WDR62: variants seen among roughly 807,000 people sequenced by gnomAD.
WDR62 encodes the protein WD repeat-containing protein 62.
WDR62 carries 112 observed loss-of-function variants against 160.6 expected under a neutral mutation model. The observed-to-expected ratio is 0.70, with a 90% confidence interval of 0.60 to 0.82. The LOEUF is 0.82. WDR62 is among the 40% of genes least tolerant of loss of function. The pLI, the probability that WDR62 is intolerant of heterozygous loss-of-function variation, is 0.00. For synonymous variants in WDR62, 792 were observed against 815.1 expected, an observed-to-expected ratio of 0.97 and a Z score of 0.48; for missense variants, 1,819 against 1,983.8, an observed-to-expected ratio of 0.92 and a Z score of 1.58.
chr19:36,069,183 T>G (rs2145603541), intron 7 of WDR62, among the ~76,000 whole-genome samples: 1 of 137,912 alleles, frequency 7.3e-6, no homozygotes, highest in East Asian at 2.2e-4. Context: ...GACCCCCACC[T>G]CCCTCCGGGA....
chr19:36,076,023 C>T (rs1252806145), intron 9 of WDR62: 1 of 152,130 alleles, frequency 6.6e-6, no homozygotes, highest in Non-Finnish European at 1.5e-5. Context: ...ATTATAAACT[C>T]ATATATATTT....
intron 7 of WDR62, among the ~76,000 whole-genome samples, chr19:36,068,752 C>G (rs1248347552): frequency 6.6e-6 from 1 of 152,242 alleles, no homozygotes; most frequent in African/African-American, 2.4e-5. Context: ...CCCATGTCTA[C>G]TTCTTTCTAC....
intron 7 of WDR62, among the ~76,000 whole-genome samples, chr19:36,069,810 G>A (rs547666109): frequency 6.6e-6 from 1 of 152,222 alleles, no homozygotes; most frequent in Non-Finnish European, 1.5e-5. Context: ...CCAACACAGC[G>A]AAACCCTGTG....
intron 26 of WDR62, 168 bp downstream of exon 26, chr19:36,102,319 G>A: frequency 1.0e-6 from 1 of 993,744 alleles, no homozygotes; most frequent in Non-Finnish European, 1.5e-6. Flanking sequence ...GGAGTGCGGT[G>A]GCCCAATCTT....
In WDR62 at chr19:36,092,716, G is replaced by T; in HGVS notation, c.2238G>T (p.Pro746=). The T allele has an allele frequency of 6.2e-7, 1 of 1,614,160 alleles. No homozygotes were observed. The highest frequency in any genetic ancestry group is 1.6e-4 in the Middle Eastern group (1 of 6,062). Residue 746 remains proline, a synonymous_variant, in exon 19 of 32, where the codon CCG becomes CCT. Transcript: ENST00000401500. ...GCGTGTTCATCTGGCACCTGGGCCC[G>T]GAGATCACCAACTGCATGAAGCAGC... is the stretch of plus-strand genomic sequence containing the variant. The part of the protein sequence containing the change: ...DSCVFIWHLG[P]EITNCMKQHL...
At chr19:36,071,483 C>T in intron 7 of WDR62, 73 bp from the exon 8 acceptor site, 3 of 1,586,532 alleles carry the variant, frequency 1.9e-6, no homozygotes, top group Non-Finnish European at 2.6e-6. Flanking sequence ...TAAGGCTGCT[C>T]TGTCAGTCCC....
chr19:36,071,202 CAAAAAA>C, intron 7 of WDR62: 16 of 230,202 alleles, frequency 7.0e-5, no homozygotes, highest in South Asian at 3.6e-4. Flanking sequence ...AACTCTATCT[CAAAAAA>C]AAAAAAAAAT....
In WDR62 at chr19:36,104,939, C is replaced by A. The variant is rs1292976531; in HGVS notation, c.4483C>A (p.Pro1495Thr). The change falls in exon 32 of 32, where the codon CCC becomes ACC. Residue 1495 changes from proline to threonine, a missense_variant. Physicochemically the swap from Pro to Thr is conservative, Grantham distance 38. Coordinates refer to ENST00000401500, the MANE Select transcript of WDR62 (RefSeq NM_001083961.2). ...ACCCCCGTCCCCACCGACGCTGTACCCCCTGGCCAGCCCAGACCTGCAGGC... is the reference window on the plus strand; with the variant it reads ...ACCCCCGTCCCCACCGACGCTGTACACCCTGGCCAGCCCAGACCTGCAGGC... ...PGPPSPPTLY[P>T]LASPDLQALL... 1.4e-5 allele frequency: 22 copies of A among 1,608,238 alleles called. No homozygotes were observed. The Admixed American group carries it at 3.5e-4, about 26-fold the overall frequency.
At chr19:36,092,461 G>A (rs1419168783) in intron 18 of WDR62, among the ~76,000 whole-genome samples, 2 of 152,162 alleles carry the variant, frequency 1.3e-5, no homozygotes, top group East Asian at 1.9e-4. Flanking sequence ...CTCAGGTCTT[G>A]AGGCCTCCAG....
At chr19:36,059,366 G>A (rs1027856942) in intron 2 of WDR62, among the ~76,000 whole-genome samples, 4 of 152,084 alleles carry the variant, frequency 2.6e-5, no homozygotes, top group African/African-American at 7.2e-5. Context: ...TCTATAAATG[G>A]GCCTAAATAG....
rs1973337296 is a variant in WDR62, at chr19:36,101,551, C to T, written c.2972-113C>T. On this transcript the variant is annotated intron_variant, in intron 24 of 31. Transcript: ENST00000401500. Reference sequence around the variant, plus strand: ...TTATTCATAAAATGGGGGGCAGCTGCTCTTACCATCCCTCCTCCAGATGGG... The same window carrying T: ...TTATTCATAAAATGGGGGGCAGCTGTTCTTACCATCCCTCCTCCAGATGGG... 4 of 877,860 alleles carry T rather than the reference C, an allele frequency of 4.6e-6. No individual in the cohort carries two copies. In the East Asian group the frequency reaches 1.1e-4, roughly 23 times the overall value. 54.4% of individuals were successfully genotyped at this position (877,860 alleles called of 1,614,324 possible). A position where few individuals can be genotyped will look rare whatever the true frequency, so the allele number is the denominator to read the frequency against.
At chr19:36,067,147 G>T (rs1337597002) in intron 5 of WDR62, among the ~76,000 whole-genome samples, 159 bp from the exon 6 acceptor site, 3 of 152,180 alleles carry the variant, frequency 2.0e-5, no homozygotes, top group Non-Finnish European at 4.4e-5. Flanking sequence ...AATGAGCAGG[G>T]TGCCCCACAT....
chr19:36,073,840 GA>G, intron 9 of WDR62: 1 of 433,640 alleles, frequency 2.3e-6, no homozygotes, highest in Non-Finnish European at 4.5e-6. Context: ...AGGGGTCAGG[GA>G]AGGCCTCCCT....
chr19:36,067,339 T>G lies in WDR62; in HGVS notation c.595T>G (p.Cys199Gly). 1 of 1,614,230 alleles carries G rather than the reference T, an allele frequency of 6.2e-7. No individual in the cohort carries two copies. The highest frequency in any genetic ancestry group is 8.5e-7 in the Non-Finnish European group (1 of 1,180,042). ...DIVVASNKVS[C>G]RVIALSFSED... The stretch of plus-strand genomic sequence containing the variant: ...CGTAGTGGCCTCCAACAAGGTATCT[T>G]GTAGAGTCATTGCCCTCTCCTTCTC... Residue 199 changes from cysteine to glycine, a missense_variant, in exon 6 of 32, where the codon TGT becomes GGT. Cys to Gly is a radical substitution (Grantham distance 159). Coordinates refer to ENST00000401500, the MANE Select transcript of WDR62 (RefSeq NM_001083961.2).
At chr19:36,108,577 A>T (rs1435472922), downstream of WDR62, among the ~76,000 whole-genome samples, 1 of 152,154 alleles carries the variant, frequency 6.6e-6, no homozygotes, top group East Asian at 1.9e-4. Context: ...CCTCGGCAGG[A>T]TGCAGTGGCT....
At chr19:36,109,412 T>C (rs1398516512), downstream of WDR62, among the ~76,000 whole-genome samples, 1 of 152,180 alleles carries the variant, frequency 6.6e-6, no homozygotes, top group Admixed American at 6.6e-5. Flanking sequence ...ACGCGATCAT[T>C]TTCAGTAAGC....
chr19:36,102,386 G>A (rs1568369473), intron 26 of WDR62: 2 of 627,170 alleles, frequency 3.2e-6, no homozygotes, highest in East Asian at 2.8e-5. Flanking sequence ...TCAGCCTCCT[G>A]AGTAGCTGGG....
intron 28 of WDR62, 36 bp from the exon 29 acceptor site, chr19:36,103,120 T>G (rs1022728440): frequency 6.2e-7 from 1 of 1,614,034 alleles, no homozygotes. Flanking sequence ...CTGGGAACCC[T>G]GAGGCCTTGT....
At chr19:36,069,091 C>T (rs1971118774) in intron 7 of WDR62, among the ~76,000 whole-genome samples, 1 of 150,272 alleles carries the variant, frequency 6.7e-6, no homozygotes, top group Non-Finnish European at 1.5e-5. Context: ...CCCCACCTCC[C>T]TCCCGGACGG....
Sources: allele counts gnomAD v4.1 joint callset (sites outside exome capture counted in the v4.1 genomes callset), GRCh38; gene constraint gnomAD v4.1.1; transcripts MANE v1.5; gene names NCBI Gene and HGNC (gene_info 2026-07-23, HGNC 2026-07-21).